CTNNA2: variants seen among roughly 807,000 people sequenced by gnomAD.
The protein encoded by CTNNA2 is catenin alpha 2, also known as catenin alpha-2.
CTNNA2 carries 42 observed loss-of-function variants against 101.0 expected under a neutral mutation model. The observed-to-expected ratio is 0.42, with a 90% confidence interval of 0.32 to 0.54. CTNNA2 has a LOEUF of 0.54. Ranked by LOEUF, CTNNA2 falls within the 20% of genes least tolerant of loss-of-function variation. The pLI is 0.14. For missense variants in CTNNA2, 871 were observed against 1,223.1 expected, an observed-to-expected ratio of 0.71 and a Z score of 4.29; for synonymous variants, 450 against 456.4, an observed-to-expected ratio of 0.99 and a Z score of 0.18.
At chr2:79,384,132 TGAAGTTATGAA>T (rs1336666187) in intron 4 of CTNNA2, among the ~76,000 whole-genome samples, 1 of 152,208 alleles carries the variant, frequency 6.6e-6, no homozygotes, top group African/African-American at 2.4e-5. Flanking sequence ...CAGGATTTAC[TGAAGTTATGAA>T]GAAGTATATG....
intron 17 of CTNNA2, among the ~76,000 whole-genome samples, chr2:80,614,016 G>C (rs1159566084): frequency 6.6e-6 from 1 of 151,490 alleles, no homozygotes; most frequent in African/African-American, 2.4e-5. Context: ...TTGGGTCTTA[G>C]AATTTTTTCA....
intron 2 of CTNNA2, among the ~76,000 whole-genome samples, chr2:79,744,050 C>T (rs1006119598): frequency 6.6e-6 from 1 of 152,086 alleles, no homozygotes; most frequent in African/African-American, 2.4e-5. Context: ...TCCTTGCCAC[C>T]CTGAGGCTGG....
intron 9 of CTNNA2, among the ~76,000 whole-genome samples, chr2:80,490,801 G>T (rs1687003991): frequency 6.6e-6 from 1 of 152,140 alleles, no homozygotes; most frequent in Non-Finnish European, 1.5e-5. Flanking sequence ...ATTTGTCAGA[G>T]AAGTGAGCAC....
At chr2:79,275,355 C>T (rs1675184948) in intron 2 of CTNNA2, among the ~76,000 whole-genome samples, 1 of 151,880 alleles carries the variant, frequency 6.6e-6, no homozygotes. Flanking sequence ...GACAAAAATG[C>T]AACACATCAT....
At position 79,707,387 on chromosome 2, in the gene CTNNA2, G is replaced by A. The variant is rs553732890; in HGVS notation, c.103-37000G>A. 3.2e-4 allele frequency among the ~76,000 whole-genome samples: 49 copies of A among 152,286 alleles called. 1 individual carries two copies. The South Asian group carries it at 0.01, about 32-fold the overall frequency. ...CAGGTGTGTGTTTTTCTGAGGGCAT[G>A]TCTGTGTGAGTCCCTGTGTGTACAG... is the stretch of plus-strand genomic sequence containing the variant. On this transcript the variant is annotated intron_variant, in intron 2 of 18. Transcript: ENST00000402739.
intron 7 of CTNNA2, among the ~76,000 whole-genome samples, chr2:80,380,628 T>C (rs1237000623): frequency 2.0e-5 from 3 of 152,144 alleles, no homozygotes; most frequent in Non-Finnish European, 2.9e-5. Context: ...AAAGGTCTTA[T>C]TGTGTGTATT....
chr2:79,205,949 T>C (rs2104190243), intron 2 of CTNNA2, among the ~76,000 whole-genome samples: 1 of 152,318 alleles, frequency 6.6e-6, no homozygotes, highest in South Asian at 2.1e-4. Context: ...CCTTTCTTGC[T>C]TTTTTCCCAT....
intron 7 of CTNNA2, among the ~76,000 whole-genome samples, chr2:80,304,907 CA>C (rs56174873): frequency 0.31 from 22,865 of 73,890 alleles, 1,684 homozygotes; most frequent in East Asian, 0.44. Flanking sequence ...GTCCATATTT[CA>C]AAAAAAAAAA....
chr2:80,629,340 A>G (rs7580421), intron 18 of CTNNA2, among the ~76,000 whole-genome samples: 49,524 of 151,948 alleles, frequency 0.33, 9,401 homozygotes, highest in East Asian at 0.49. Context: ...AAATACAGAA[A>G]GGAATAACCT....
intron 9 of CTNNA2, among the ~76,000 whole-genome samples, chr2:80,502,599 T>G (rs573313598): frequency 6.6e-6 from 1 of 152,362 alleles, no homozygotes; most frequent in African/African-American, 2.4e-5. Context: ...CTGGTTTTAC[T>G]TTCTCTACTG....
At chr2:79,444,361 T>C (rs1443279456) in intron 4 of CTNNA2, among the ~76,000 whole-genome samples, 1 of 152,122 alleles carries the variant, frequency 6.6e-6, no homozygotes, top group Admixed American at 6.6e-5. Flanking sequence ...CCTGGTTACA[T>C]AGCCACAAAG....
At chr2:79,307,864 A>T (rs1258755722) in intron 2 of CTNNA2, among the ~76,000 whole-genome samples, 1 of 152,068 alleles carries the variant, frequency 6.6e-6, no homozygotes, top group African/African-American at 2.4e-5. Context: ...TTTCTCCATA[A>T]CCTCACCAAC....
At position 80,271,391 on chromosome 2, in the gene CTNNA2, C is replaced by T. The variant is rs561467569; in HGVS notation, c.1057-121820C>T. On this transcript the variant is annotated intron_variant, in intron 7 of 18. Transcript: ENST00000402739. Reference sequence around the variant, plus strand: ...TCCAGTCTTCCAGTCACAAATTATACCACATTGACCAAGCTTCTTTATCCT... The same window carrying T: ...TCCAGTCTTCCAGTCACAAATTATATCACATTGACCAAGCTTCTTTATCCT... Among the ~76,000 whole-genome samples the T allele has an allele frequency of 2.6e-5, 4 of 151,662 alleles. No individual in the cohort carries two copies. In the South Asian group the frequency reaches 8.3e-4, roughly 32 times the overall value.
chr2:80,285,005 T>A (rs1432537158), intron 7 of CTNNA2, among the ~76,000 whole-genome samples: 1 of 152,172 alleles, frequency 6.6e-6, no homozygotes, highest in African/African-American at 2.4e-5. Flanking sequence ...TCAGGAAGGT[T>A]GTCTGTAGGC....
At chr2:80,289,256 T>C (rs1675030858) in intron 7 of CTNNA2, 1 of 152,160 alleles carries the variant, frequency 6.6e-6, no homozygotes, top group Non-Finnish European at 1.5e-5. Flanking sequence ...CTGAGGCAAG[T>C]GTCAAAGCAT....
chr2:79,834,150 T>C (rs1679136152), intron 3 of CTNNA2, among the ~76,000 whole-genome samples: 2 of 152,208 alleles, frequency 1.3e-5, no homozygotes, highest in Non-Finnish European at 2.9e-5. Context: ...ATATAGCTTA[T>C]CAATAAGTGT....
chr2:79,940,336 G>T (rs566832617), intron 7 of CTNNA2, among the ~76,000 whole-genome samples: 1 of 152,102 alleles, frequency 6.6e-6, no homozygotes, highest in Non-Finnish European at 1.5e-5. Context: ...CTGATGGAAA[G>T]GTTTTGTTTT....
intron 7 of CTNNA2, among the ~76,000 whole-genome samples, chr2:80,022,802 T>G (rs1007276288): frequency 6.6e-5 from 10 of 152,158 alleles, no homozygotes; most frequent in Non-Finnish European, 1.5e-5. Flanking sequence ...GAGAGATTAG[T>G]CAAAGTCCAG....
At chr2:79,439,607 A>G (rs1184454852) in intron 4 of CTNNA2, among the ~76,000 whole-genome samples, 1 of 152,160 alleles carries the variant, frequency 6.6e-6, no homozygotes, top group African/African-American at 2.4e-5. Context: ...ATTTAAAAGG[A>G]TCAATTTGGG....
Sources: allele counts gnomAD v4.1 joint callset (sites outside exome capture counted in the v4.1 genomes callset), GRCh38; gene constraint gnomAD v4.1.1; transcripts MANE v1.5; gene names NCBI Gene and HGNC (gene_info 2026-07-23, HGNC 2026-07-21).